The following COTL1 variants were observed in gnomAD, a reference collection of about 807,000 sequenced individuals.
COTL1 encodes coactosin-like protein.
A neutral mutation model predicts 16.5 loss-of-function variants in COTL1; 15 were observed. The ratio of observed to expected loss-of-function variants is 0.91; its 90% CI spans 0.61 to 1.40. COTL1 has a LOEUF of 1.40. Ranked by LOEUF, COTL1 falls within the 40% of genes most tolerant of loss-of-function variation. COTL1 has a pLI of 0.00. For missense variants in COTL1, 220 were observed against 201.5 expected (o/e 1.09, Z -0.56); for synonymous variants, 112 against 85.3 (o/e 1.31, Z -1.73).
chr16:84,607,359 G>A (rs1031814813), intron 2 of COTL1, among the ~76,000 whole-genome samples: 6 of 152,134 alleles, frequency 3.9e-5, no homozygotes, highest in Non-Finnish European at 7.3e-5. Flanking sequence ...CAGGGGAAGA[G>A]CTGAGAGCCT....
chr16:84,585,158 C>A (rs1280019783), intron 3 of COTL1, among the ~76,000 whole-genome samples: 2 of 151,952 alleles, frequency 1.3e-5, no homozygotes, highest in African/African-American at 4.8e-5. Flanking sequence ...AGAGACTTGC[C>A]CATGGTCAGG....
chr16:84,584,228 A>G (rs916578376), intron 3 of COTL1, among the ~76,000 whole-genome samples: 2 of 152,232 alleles, frequency 1.3e-5, no homozygotes, highest in African/African-American at 4.8e-5. Flanking sequence ...GAGTCTGGGC[A>G]TCGCAATCGC....
chr16:84,599,146 C>A (rs1287757808), intron 2 of COTL1, among the ~76,000 whole-genome samples: 2 of 129,508 alleles, frequency 1.5e-5, no homozygotes, highest in Non-Finnish European at 3.2e-5. Context: ...GGAAGAGATT[C>A]TGACCAGGCA....
At chr16:84,588,335 A>G (rs1284208655) in intron 3 of COTL1, among the ~76,000 whole-genome samples, 1 of 152,086 alleles carries the variant, frequency 6.6e-6, no homozygotes, top group East Asian at 1.9e-4. Context: ...ACACATACAT[A>G]TTTCACTACT....
intron 2 of COTL1, among the ~76,000 whole-genome samples, chr16:84,600,662 G>C (rs1021851316): frequency 1.3e-5 from 2 of 152,172 alleles, no homozygotes; most frequent in African/African-American, 4.8e-5. Flanking sequence ...TCTGCGTGTA[G>C]GCACATTGTT....
intron 3 of COTL1, chr16:84,577,040 A>G (rs1904468742): frequency 6.6e-6 from 1 of 152,274 alleles, no homozygotes; most frequent in Non-Finnish European, 1.5e-5. Context: ...TTGCTAGGAG[A>G]CAAGGCAATC....
intron 2 of COTL1, among the ~76,000 whole-genome samples, chr16:84,608,535 A>C (rs1437844242): frequency 6.6e-6 from 1 of 152,262 alleles, no homozygotes; most frequent in Non-Finnish European, 1.5e-5. Flanking sequence ...TCTGTGGGCA[A>C]AGAAGGCAAT....
chr16:84,615,228 C>T (rs903227002), intron 2 of COTL1, among the ~76,000 whole-genome samples: 4 of 152,248 alleles, frequency 2.6e-5, no homozygotes, highest in Non-Finnish European at 5.9e-5. Flanking sequence ...AGCACTGCAG[C>T]TGAAGCTCCC....
chr16:84,574,001 T>C (rs1038397134), intron 3 of COTL1, among the ~76,000 whole-genome samples: 3 of 151,828 alleles, frequency 2.0e-5, no homozygotes, highest in African/African-American at 7.3e-5. Flanking sequence ...CAAATAATAA[T>C]AATAATAATA....
In COTL1 at chr16:84,571,999, G is replaced by A. The variant is rs532366947; in HGVS notation, c.319-5044C>T. Among the ~76,000 whole-genome samples, 4 of 152,352 alleles carry A rather than the reference G, an allele frequency of 2.6e-5. No individual in the cohort carries two copies. The South Asian group carries it at 8.3e-4, about 32-fold the overall frequency. ...TTCCATTCAGGGCGTGGACTCCACA[G>A]AATGTCCCCAAAATGTCTAACCTGA... On this transcript the variant is annotated intron_variant, in intron 3 of 3. Coordinates refer to ENST00000262428, the MANE Select transcript of COTL1 (RefSeq NM_021149.5).
In COTL1 at chr16:84,588,571, C is replaced by T. The variant is rs569781641; in HGVS notation, c.318+1534G>A. 1.2e-4 allele frequency among the ~76,000 whole-genome samples: 19 copies of T among 152,228 alleles called. No individual in the cohort carries two copies. In the South Asian group the frequency reaches 3.5e-3, roughly 28 times the overall value. ...CACTCACTCAGTCTGAGTGCAGTGG[C>T]GAGATCTTGGCTCACTGCAGCCTCG... On this transcript the variant is annotated intron_variant, in intron 3 of 3. Transcript: ENST00000262428.
intron 3 of COTL1, among the ~76,000 whole-genome samples, chr16:84,586,431 G>T (rs534254963): frequency 2.6e-5 from 4 of 152,268 alleles, no homozygotes; most frequent in African/African-American, 9.6e-5. Context: ...AGAGAGGAAA[G>T]AAACTCTGCA....
At chr16:84,608,547 G>T (rs1905257649) in intron 2 of COTL1, among the ~76,000 whole-genome samples, 1 of 152,246 alleles carries the variant, frequency 6.6e-6, no homozygotes, top group Non-Finnish European at 1.5e-5. Flanking sequence ...GAAGGCAATG[G>T]GAGACTGGAT....
chr16:84,617,464 A>T, intron 2 of COTL1, 37 bp downstream of exon 2: 1 of 1,541,878 alleles, frequency 6.5e-7, no homozygotes, highest in Non-Finnish European at 8.8e-7. Flanking sequence ...CAACCTCCCA[A>T]CGACCGCGCA....
At chr16:84,609,886 G>A (rs932219777) in intron 2 of COTL1, among the ~76,000 whole-genome samples, 2 of 152,202 alleles carry the variant, frequency 1.3e-5, no homozygotes. Context: ...GCAAAACTGT[G>A]AGCCAATTAA....
rs759452343 is a variant in COTL1 at position 84,613,005 on chromosome 16, TC to T, written c.160+4495del. ...ATGACTCTTTCTTTCTTTCTTTCTT[TC>T]TTTTTTTTTTTTGAGATAGAGTCTC... On this transcript the variant is annotated intron_variant, in intron 2 of 3. Coordinates refer to ENST00000262428, the MANE Select transcript of COTL1 (RefSeq NM_021149.5). Among the ~76,000 whole-genome samples, 526 of 135,572 alleles carry T rather than the reference TC, an allele frequency of 3.9e-3. 8 individuals carry two copies. Among genetic ancestry groups the T allele is most frequent in the African/African-American group, 0.011 (405 of 37,652 alleles). The allele number at this position is 135,572 out of a possible 152,430, so 88.9% of individuals were successfully genotyped here. A position where few individuals can be genotyped will look rare whatever the true frequency, so the allele number is the denominator to read the frequency against.
chr16:84,589,392 C>G (rs568126834), intron 3 of COTL1, among the ~76,000 whole-genome samples: 1 of 152,208 alleles, frequency 6.6e-6, no homozygotes, highest in Non-Finnish European at 1.5e-5. Context: ...CTGTAACAGA[C>G]AAGCTGCTGA....
At chr16:84,580,985 A>G (rs1904575677) in intron 3 of COTL1, among the ~76,000 whole-genome samples, 1 of 152,082 alleles carries the variant, frequency 6.6e-6, no homozygotes, top group African/African-American at 2.4e-5. Flanking sequence ...TACTAAAAAT[A>G]CAAAAATTAG....
chr16:84,584,645 C>T (rs1021307914), intron 3 of COTL1, among the ~76,000 whole-genome samples: 6 of 152,230 alleles, frequency 3.9e-5, no homozygotes, highest in Admixed American at 1.3e-4. Context: ...CTGTATCTAG[C>T]ATCTCCTAAG....
Sources: gnomAD v4.1 joint callset for allele counts (sites outside exome capture counted in the v4.1 genomes callset) on GRCh38, gnomAD v4.1.1 for gene constraint, MANE v1.5 for transcripts, NCBI Gene and HGNC (gene_info 2026-07-23, HGNC 2026-07-21) for gene names.